The following SHANK2 variants were observed in gnomAD, a reference collection of about 807,000 sequenced individuals.
SHANK2 encodes the protein SH3 and multiple ankyrin repeat domains 2, also known as SH3 and multiple ankyrin repeat domains protein 2.
Under a neutral mutation model 133.7 loss-of-function variants are expected in SHANK2, and 43 were observed. That is an observed-to-expected ratio of 0.32 (90% confidence interval 0.25 to 0.41). The LOEUF (loss-of-function observed/expected upper bound fraction) is 0.41. Ranked by LOEUF, SHANK2 falls within the 10% of genes least tolerant of loss-of-function variation. SHANK2 has a pLI of 1.00. For synonymous variants in SHANK2, 1,017 were observed against 952.8 expected (o/e 1.07, Z -1.24); for missense variants, 1,994 against 2,235.8 (o/e 0.89, Z 2.18).
intron 10 of SHANK2, among the ~76,000 whole-genome samples, chr11:70,920,254 T>G (rs1950331333): frequency 1.3e-5 from 2 of 152,150 alleles, no homozygotes; most frequent in South Asian, 4.1e-4. Flanking sequence ...ATATTATGTA[T>G]GTATGCATGT....
intron 14 of SHANK2, among the ~76,000 whole-genome samples, chr11:70,755,531 C>T (rs1365709115): frequency 1.3e-5 from 2 of 152,260 alleles, no homozygotes; most frequent in Non-Finnish European, 2.9e-5. Context: ...GAGCCAGTGG[C>T]TTTCCAGGCA....
intron 17 of SHANK2, among the ~76,000 whole-genome samples, chr11:70,521,634 C>CTGTATG (rs1554971014): frequency 6.6e-6 from 1 of 152,156 alleles, no homozygotes; most frequent in Non-Finnish European, 1.5e-5. Flanking sequence ...CTGTGTGTTT[C>CTGTATG]TGTATGTGTA....
rs932852108 is a variant in SHANK2, at chr11:71,086,898, T to A, written c.912+5524A>T. Among the ~76,000 whole-genome samples the A allele has an allele frequency of 7.2e-5, 11 of 152,330 alleles. No individual in the cohort carries two copies. In the South Asian group the frequency reaches 2.1e-3, roughly 29 times the overall value. On this transcript the variant is annotated intron_variant, in intron 8 of 25. Coordinates refer to ENST00000601538, the MANE Select transcript of SHANK2 (RefSeq NM_012309.5). Reference sequence around the variant, plus strand: ...AGGAGGCTCGCGAAGGCAAAGTTGCTTCACATTATCACTGAGAATCTTTAG... The same window carrying A: ...AGGAGGCTCGCGAAGGCAAAGTTGCATCACATTATCACTGAGAATCTTTAG...
intron 1 of SHANK2, among the ~76,000 whole-genome samples, chr11:71,247,184 C>T (rs1377445589): frequency 1.3e-5 from 2 of 152,120 alleles, no homozygotes; most frequent in South Asian, 2.1e-4. Context: ...CTTACGTATC[C>T]GTCAAGAAAA....
Position 70,500,658 on chromosome 11 carries a change from G to A in SHANK2, c.2288-68C>T. ...GCGCCCGCCCGCAGCCTACACTCGG[G>A]CCTTGTCAGCTCAGGGCGCCTCAGG... is the stretch of plus-strand genomic sequence containing the variant. On this transcript the variant is annotated intron_variant, in intron 20 of 25. Coordinates refer to ENST00000601538, the MANE Select transcript of SHANK2 (RefSeq NM_012309.5). This position sits in a 1 kb window ranked among gnomAD's most constrained non-coding sequence, Gnocchi z 4.5. The A allele has an allele frequency of 1.3e-6, 2 of 1,565,040 alleles. No individual in the cohort carries two copies. Among genetic ancestry groups the A allele is most frequent in the Non-Finnish European group, 1.7e-6 (2 of 1,154,428 alleles).
chr11:70,624,088 C>A (rs1208819754), intron 17 of SHANK2, among the ~76,000 whole-genome samples: 1 of 152,126 alleles, frequency 6.6e-6, no homozygotes, highest in Admixed American at 6.6e-5. Context: ...CTTCTGGGAG[C>A]AGAGGCCCTG....
intron 3 of SHANK2, among the ~76,000 whole-genome samples, chr11:71,132,857 C>T (rs2135338400): frequency 6.6e-6 from 1 of 152,232 alleles, no homozygotes; most frequent in Non-Finnish European, 1.5e-5. Context: ...CTAAAATAGT[C>T]AAGTGTAAAC....
chr11:70,698,196 T>C (rs1482297305), intron 15 of SHANK2: 1 of 187,050 alleles, frequency 5.3e-6, no homozygotes, highest in Non-Finnish European at 1.1e-5. Context: ...AACTCAAACC[T>C]GCTGTGCTTA....
intron 2 of SHANK2, among the ~76,000 whole-genome samples, chr11:71,201,676 G>T (rs1158442748): frequency 6.6e-6 from 1 of 152,230 alleles, no homozygotes; most frequent in Admixed American, 6.5e-5. Context: ...ATAGGTCACA[G>T]GTTCACGGCC....
At chr11:71,110,425 G>A (rs373080862) in intron 5 of SHANK2, among the ~76,000 whole-genome samples, 3 of 151,910 alleles carry the variant, frequency 2.0e-5, no homozygotes, top group East Asian at 1.9e-4. Flanking sequence ...GCAACAAAGC[G>A]AGACTCCATC....
At chr11:70,755,633 G>C (rs935653948) in intron 14 of SHANK2, among the ~76,000 whole-genome samples, 1 of 152,174 alleles carries the variant, frequency 6.6e-6, no homozygotes, top group Non-Finnish European at 1.5e-5. Context: ...CCTGGCAACC[G>C]GCCTTTCTCG....
intron 2 of SHANK2, among the ~76,000 whole-genome samples, chr11:71,209,316 T>C (rs1203302018): frequency 1.3e-5 from 2 of 152,098 alleles, no homozygotes; most frequent in Non-Finnish European, 2.9e-5. Flanking sequence ...TTGTAGTGAG[T>C]GGGCCACTCC....
chr11:70,797,114 C>T (rs145042101), intron 14 of SHANK2, among the ~76,000 whole-genome samples: 2,994 of 152,316 alleles, frequency 0.02, 52 homozygotes, highest in Non-Finnish European at 0.033. Flanking sequence ...GATCTGTGAG[C>T]CAAGCTCCCG....
chr11:70,663,296 G>T (rs1173535382), intron 15 of SHANK2, among the ~76,000 whole-genome samples: 1 of 152,198 alleles, frequency 6.6e-6, no homozygotes, highest in East Asian at 1.9e-4. Flanking sequence ...GGTGCAGCCA[G>T]CTGGTGACAG....
At chr11:71,237,117 G>T (rs1591045044) in intron 1 of SHANK2, among the ~76,000 whole-genome samples, 1 of 152,322 alleles carries the variant, frequency 6.6e-6, no homozygotes, top group East Asian at 1.9e-4. Context: ...GGGGACTGCA[G>T]CAAATGTGAT....
At chr11:71,210,063 G>A (rs1402187929) in intron 2 of SHANK2, among the ~76,000 whole-genome samples, 4 of 151,252 alleles carry the variant, frequency 2.6e-5, no homozygotes, top group Non-Finnish European at 5.9e-5. Context: ...GTGAAGAACA[G>A]AAGCTTTCGA....
chr11:70,795,407 CTTTTTTTTT>C (rs71049944), intron 14 of SHANK2, among the ~76,000 whole-genome samples: 1 of 128,458 alleles, frequency 7.8e-6, no homozygotes, highest in East Asian at 2.2e-4. Flanking sequence ...CTTTCTTTTT[CTTTTTTTTT>C]TTTTTTTGAG....
At chr11:70,536,275 C>A (rs1255272302) in intron 17 of SHANK2, among the ~76,000 whole-genome samples, 1 of 152,200 alleles carries the variant, frequency 6.6e-6, no homozygotes, top group African/African-American at 2.4e-5. Flanking sequence ...CGGGGTGTGG[C>A]GGGCTCATCA....
At chr11:70,643,984 G>T (rs901066920) in intron 17 of SHANK2, among the ~76,000 whole-genome samples, 1 of 152,136 alleles carries the variant, frequency 6.6e-6, no homozygotes, top group Admixed American at 6.5e-5. Flanking sequence ...GCTCTGCCCA[G>T]GGTCTCAGCT....
Sources: allele counts gnomAD v4.1 joint callset (sites outside exome capture counted in the v4.1 genomes callset), GRCh38; gene constraint gnomAD v4.1.1; non-coding constraint Gnocchi (gnomAD v3.1); transcripts MANE v1.5; gene names NCBI Gene and HGNC (gene_info 2026-07-23, HGNC 2026-07-21).